The following DSCAM variants were observed in gnomAD, a reference collection of about 807,000 sequenced individuals.
DSCAM encodes DS cell adhesion molecule.
DSCAM carries 47 observed loss-of-function variants against 217.7 expected under a neutral mutation model. That is an observed-to-expected ratio of 0.22 (90% confidence interval 0.17 to 0.28). DSCAM has a LOEUF of 0.28. Among genes scored for constraint, DSCAM ranks in the 10% least tolerant of loss-of-function variants. The pLI is 1.00. For missense variants in DSCAM, 2,080 were observed against 2,618.3 expected, an observed-to-expected ratio of 0.79 and a Z score of 4.49; for synonymous variants, 1,056 against 1,015.3, an observed-to-expected ratio of 1.04 and a Z score of -0.76.
At chr21:40,013,734 A>G (rs1230888242) in intron 32 of DSCAM, among the ~76,000 whole-genome samples, 1 of 152,216 alleles carries the variant, frequency 6.6e-6, no homozygotes, top group Non-Finnish European at 1.5e-5. Flanking sequence ...ACGAACGGTG[A>G]TAGACCAAAC....
chr21:40,528,943 G>C lies in DSCAM; in HGVS notation c.509-159698C>G, dbSNP rs367768172. Among the ~76,000 whole-genome samples the C allele has an allele frequency of 5.4e-4, 64 of 119,010 alleles. 1 individual carries two copies. The South Asian group carries it at 0.017, about 31-fold the overall frequency. 78.1% of individuals were successfully genotyped at this position (119,010 alleles called of 152,430 possible). ...TTTTGAGATGGAGTCTCACTCTGTCGCCCAGGCTGGAGTGCAGTGGTGCAA... is the reference window on the plus strand; with the variant it reads ...TTTTGAGATGGAGTCTCACTCTGTCCCCCAGGCTGGAGTGCAGTGGTGCAA... On this transcript the variant is annotated intron_variant, in intron 3 of 32. Coordinates refer to ENST00000400454, the MANE Select transcript of DSCAM (RefSeq NM_001389.5).
chr21:40,699,304 CCT>C (rs1181010417), intron 2 of DSCAM, among the ~76,000 whole-genome samples: 3 of 152,124 alleles, frequency 2.0e-5, no homozygotes, highest in Non-Finnish European at 2.9e-5. Context: ...CGTCTTTCTC[CCT>C]CTCCTGAAGC....
intron 11 of DSCAM, among the ~76,000 whole-genome samples, chr21:40,216,148 C>G (rs1309655911): frequency 6.6e-6 from 1 of 152,112 alleles, no homozygotes; most frequent in Non-Finnish European, 1.5e-5. Flanking sequence ...CTCTGTCACC[C>G]AGGCTGGTGT....
chr21:40,543,901 G>T (rs2076560924), intron 3 of DSCAM, among the ~76,000 whole-genome samples: 1 of 152,006 alleles, frequency 6.6e-6, no homozygotes, highest in Non-Finnish European at 1.5e-5. Flanking sequence ...GCTGCTCTCG[G>T]TTGTGTTCAT....
At chr21:40,716,826 T>G (rs1713872534) in intron 1 of DSCAM, among the ~76,000 whole-genome samples, 1 of 152,170 alleles carries the variant, frequency 6.6e-6, no homozygotes, top group South Asian at 2.1e-4. Flanking sequence ...GTCCTGGTAC[T>G]ACTGCCAAGG....
At chr21:40,697,041 AACT>A (rs1436166457) in intron 2 of DSCAM, among the ~76,000 whole-genome samples, 5 of 152,260 alleles carry the variant, frequency 3.3e-5, no homozygotes, top group African/African-American at 1.2e-4. Context: ...CCCCTCAGCC[AACT>A]ACTCTTTAAC....
At chr21:40,167,017 T>A (rs1325073484) in intron 16 of DSCAM, among the ~76,000 whole-genome samples, 1 of 151,968 alleles carries the variant, frequency 6.6e-6, no homozygotes, top group Non-Finnish European at 1.5e-5. Context: ...ACCACTTTAT[T>A]CTCTGAGACA....
chr21:40,256,096 T>G (rs2073366624), intron 11 of DSCAM, among the ~76,000 whole-genome samples: 1 of 152,210 alleles, frequency 6.6e-6, no homozygotes, highest in African/African-American at 2.4e-5. Flanking sequence ...CCAATGTATG[T>G]TTTGGACTTG....
intron 19 of DSCAM, among the ~76,000 whole-genome samples, chr21:40,129,330 A>G (rs188441487): frequency 2.6e-5 from 4 of 152,316 alleles, no homozygotes; most frequent in Admixed American, 2.6e-4. Context: ...CATGTCCATA[A>G]GACTCTAGTA....
chr21:40,453,040 T>TTGTGTG (rs3069917), intron 3 of DSCAM, among the ~76,000 whole-genome samples: 4,978 of 134,296 alleles, frequency 0.037, 105 homozygotes, highest in East Asian at 0.086. Context: ...TTTAAAGACT[T>TTGTGTG]TGTGTGTGTG....
In DSCAM at chr21:40,296,089, G is replaced by A; in HGVS notation, c.2148C>T (p.Tyr716=). 6.2e-7 allele frequency: 1 copy of A among 1,614,088 alleles called. No individual in the cohort carries two copies. Among genetic ancestry groups the A allele is most frequent in the Non-Finnish European group, 8.5e-7 (1 of 1,179,972 alleles). The part of the protein sequence containing the change: ...AVILNCSAEG[Y]PVPTIVWKFS... ...ATTTCCACACGATGGTAGGTACAGG[G>A]TAACCCTCAGCAGAACAATTGAGGA... The change falls in exon 10 of 33, where the codon TAC becomes TAT. Residue 716 remains tyrosine (Y), a synonymous_variant. Coordinates refer to ENST00000400454, the MANE Select transcript of DSCAM (RefSeq NM_001389.5).
chr21:40,321,739 G>C (rs555046157), intron 8 of DSCAM, among the ~76,000 whole-genome samples: 1 of 151,888 alleles, frequency 6.6e-6, no homozygotes, highest in East Asian at 1.9e-4. Context: ...GATTCAGCAG[G>C]ATGTGCTAAC....
At chr21:40,608,193 T>TA (rs1361896687) in intron 3 of DSCAM, among the ~76,000 whole-genome samples, 3 of 152,252 alleles carry the variant, frequency 2.0e-5, no homozygotes, top group African/African-American at 2.4e-5. Flanking sequence ...GAAATTATCC[T>TA]AAAAACGTGA....
intron 1 of DSCAM, among the ~76,000 whole-genome samples, chr21:40,728,318 A>G (rs919370334): frequency 6.6e-5 from 10 of 152,220 alleles, no homozygotes; most frequent in African/African-American, 2.4e-4. Flanking sequence ...CAAATATTTA[A>G]TACTTCTTGA....
chr21:40,450,308 A>G (rs1601653301), intron 3 of DSCAM, among the ~76,000 whole-genome samples: 1 of 152,222 alleles, frequency 6.6e-6, no homozygotes, highest in African/African-American at 2.4e-5. Flanking sequence ...CGTCAAGTAC[A>G]GATTTTTAAA....
At chr21:40,686,182 GCA>G (rs2090472891) in intron 3 of DSCAM, among the ~76,000 whole-genome samples, 1 of 142,582 alleles carries the variant, frequency 7.0e-6, no homozygotes, top group South Asian at 2.3e-4. Context: ...CACATACAGA[GCA>G]CACACACCAC....
At position 40,307,532 on chromosome 21, in the gene DSCAM, T is replaced by C. The variant is rs575913501; in HGVS notation, c.2062+4549A>G. Among the ~76,000 whole-genome samples, 361 of 152,290 alleles carry C rather than the reference T, an allele frequency of 2.4e-3. 2 individuals are homozygous for C. Among genetic ancestry groups the C allele is most frequent in the African/African-American group, 8.3e-3 (344 of 41,572 alleles). The stretch of plus-strand genomic sequence containing the variant: ...TTGTGAAAGTCAGTGTGGCGATTCC[T>C]CAGGGATCTAGAACTAGAAATACCA... On this transcript the variant is annotated intron_variant, in intron 9 of 32. Transcript: ENST00000400454.
rs374759739 is a variant in DSCAM at position 40,108,009 on chromosome 21, C to A, written c.3697-14135G>T. Among the ~76,000 whole-genome samples, 113 of 152,240 alleles carry A rather than the reference C, an allele frequency of 7.4e-4. 1 individual carries two copies. The highest frequency in any genetic ancestry group is 4.4e-3 in the East Asian group (23 of 5,172). Reference sequence around the variant, plus strand: ...ATAAACTAGTTATTGAAGGAACACACCTCAAAGTATTATGACCCATATATG... The same window carrying A: ...ATAAACTAGTTATTGAAGGAACACAACTCAAAGTATTATGACCCATATATG... On this transcript the variant is annotated intron_variant, in intron 20 of 32. Transcript: ENST00000400454.
chr21:40,104,064 G>C (rs557578944), intron 20 of DSCAM, among the ~76,000 whole-genome samples: 2 of 152,134 alleles, frequency 1.3e-5, no homozygotes, highest in South Asian at 2.1e-4. Flanking sequence ...ATTAGCCCAG[G>C]TGGCATTACA....
Sources: gnomAD v4.1 joint callset for allele counts (sites outside exome capture counted in the v4.1 genomes callset) on GRCh38, gnomAD v4.1.1 for gene constraint, MANE v1.5 for transcripts, NCBI Gene and HGNC (gene_info 2026-07-23, HGNC 2026-07-21) for gene names.